The following ZNF366 variants were observed in gnomAD, a reference collection of about 807,000 sequenced individuals.
The protein encoded by ZNF366 is dendritic cell-specific transcript protein.
ZNF366 carries 20 observed loss-of-function variants against 47.2 expected under a neutral mutation model. The observed-to-expected ratio is 0.42, with a 90% CI of 0.30 to 0.62. ZNF366 has a LOEUF of 0.62. ZNF366 is among the 20% of genes least tolerant of loss of function. The probability of loss-of-function intolerance (pLI) is 0.16; values close to 1 mark genes in which losing one functional copy is unlikely to be tolerated. For missense variants in ZNF366, 987 were observed against 976.3 expected (o/e 1.01, Z -0.15); for synonymous variants, 421 against 395.1 (o/e 1.07, Z -0.78).
Position 72,456,439 on chromosome 5 carries a change from T to C in ZNF366, c.1489A>G (p.Ile497Val), listed in dbSNP as rs200176854. The C allele has an allele frequency of 4.3e-6, 7 of 1,612,510 alleles. No individual in the cohort carries two copies. In the South Asian group the frequency reaches 6.6e-5, roughly 15 times the overall value. The change falls in exon 3 of 5, where the codon ATC becomes GTC. Residue 497 changes from isoleucine to valine, a missense_variant. By Grantham distance (29) the Ile-to-Val change is conservative (BLOSUM62 3). Coordinates refer to ENST00000318442, the MANE Select transcript of ZNF366 (RefSeq NM_152625.3). ...VQKQTLKAHM[I>V]VHSDVKPFKC... Reference sequence around the variant, plus strand: ...AAAGGCTTCACGTCAGAGTGGACGATCATGTGTGCCTTGAGGGTCTGCTTC... The same window carrying C: ...AAAGGCTTCACGTCAGAGTGGACGACCATGTGTGCCTTGAGGGTCTGCTTC...
At chr5:72,497,834 TTGC>T (rs1327992997) in intron 1 of ZNF366, among the ~76,000 whole-genome samples, 15 of 152,204 alleles carry the variant, frequency 9.9e-5, no homozygotes, top group African/African-American at 2.9e-4. Context: ...TAGTTTTAAT[TTGC>T]TGCTTCTTAT....
intron 1 of ZNF366, among the ~76,000 whole-genome samples, chr5:72,498,776 C>T (rs755959169): frequency 1.4e-4 from 22 of 152,188 alleles, no homozygotes; most frequent in Non-Finnish European, 3.1e-4. Flanking sequence ...TATGTATACA[C>T]AAGTGTAAGG....
At chr5:72,446,713 C>A (rs1025461548) in intron 4 of ZNF366, among the ~76,000 whole-genome samples, 21 of 152,144 alleles carry the variant, frequency 1.4e-4, no homozygotes, top group African/African-American at 4.6e-4. Context: ...AGCCTGCTAC[C>A]AACATACTTC....
chr5:72,449,567 A>G (rs1743022754), intron 3 of ZNF366, among the ~76,000 whole-genome samples: 1 of 152,168 alleles, frequency 6.6e-6, no homozygotes, highest in Non-Finnish European at 1.5e-5. Context: ...GAGATTCTAC[A>G]TTAGGGATTT....
In ZNF366 at chr5:72,443,624, T is replaced by A; in HGVS notation, c.*132A>T. 2.0e-6 allele frequency: 2 copies of A among 998,596 alleles called. No homozygotes were observed. The highest frequency in any genetic ancestry group is 2.9e-6 in the Non-Finnish European group (2 of 696,758). 61.9% of individuals were successfully genotyped at this position (998,596 alleles called of 1,614,324 possible). A position where few individuals can be genotyped will look rare whatever the true frequency, so the allele number is the denominator to read the frequency against. ...GAAGGCTTTCCATTACCTACATCCC[T>A]GCTCATTTAGTCTAAGCCATTTGTA... On this transcript the variant is annotated 3_prime_UTR_variant, in exon 5 of 5. Transcript: ENST00000318442.
chr5:72,461,533 G>A, intron 1 of ZNF366, 23 bp from the exon 2 acceptor site: 1 of 1,518,956 alleles, frequency 6.6e-7, no homozygotes. Flanking sequence ...AGAAACTTGT[G>A]TGTTTTGGTT....
At chr5:72,455,535 C>T (rs868143726) in intron 3 of ZNF366, among the ~76,000 whole-genome samples, 9 of 152,172 alleles carry the variant, frequency 5.9e-5, no homozygotes, top group Middle Eastern at 3.2e-3. Flanking sequence ...GTACATCACT[C>T]GGATTAAACC....
chr5:72,453,703 C>T (rs1333181500), intron 3 of ZNF366, among the ~76,000 whole-genome samples: 1 of 152,164 alleles, frequency 6.6e-6, no homozygotes, highest in Non-Finnish European at 1.5e-5. Flanking sequence ...GGCAATGGTA[C>T]AAAGAGGGCA....
intron 1 of ZNF366, among the ~76,000 whole-genome samples, chr5:72,462,555 T>TTCTTTCTTTCTTTCTTTCTTTC: frequency 3.4e-5 from 1 of 29,324 alleles, no homozygotes; most frequent in African/African-American, 2.4e-4. Flanking sequence ...TTCTTTTTTT[T>TTCTTTCTTTCTTTCTTTCTTTC]TTTTTTTGGA....
At chr5:72,453,442 G>T (rs949769243) in intron 3 of ZNF366, among the ~76,000 whole-genome samples, 3 of 152,220 alleles carry the variant, frequency 2.0e-5, no homozygotes, top group East Asian at 1.9e-4. Context: ...CTCTCAGATG[G>T]CTGTGAACTG....
At chr5:72,491,147 C>G (rs1744000152) in intron 1 of ZNF366, among the ~76,000 whole-genome samples, 1 of 152,204 alleles carries the variant, frequency 6.6e-6, no homozygotes, top group Non-Finnish European at 1.5e-5. Flanking sequence ...CCTAGACATT[C>G]CTTGATAGTA....
chr5:72,440,065 A>G lies in ZNF366; in HGVS notation c.*3691T>C, dbSNP rs971451351. 6.6e-6 allele frequency: 1 copy of G among 152,228 alleles called. No individual in the cohort carries two copies. The highest frequency in any genetic ancestry group is 2.4e-5 in the African/African-American group (1 of 41,464). The allele number at this position is 152,228 out of a possible 1,614,324, so 9.4% of individuals were successfully genotyped here. On this transcript the variant is annotated 3_prime_UTR_variant, in exon 5 of 5. Coordinates refer to ENST00000318442, the MANE Select transcript of ZNF366 (RefSeq NM_152625.3). ...ATAGCAAGCCAGAGTTCTGTACAAA[A>G]TCAACATTTGGTGTAATGTTGTCCA...
Position 72,460,922 on chromosome 5 carries a change from G to C in ZNF366, c.575C>G (p.Ser192Trp), listed in dbSNP as rs200898273. ...PGLMFPFFVP[S>W]SSPFPFSRHT... ...CCGGCTGAAGGGGAAGGGCGAGGAC[G>C]AGGGCACGAAGAAGGGGAACATGAG... Residue 192 changes from serine to tryptophan, a missense_variant, in exon 2 of 5, where the codon TCG becomes TGG. Ser to Trp is a radical substitution (Grantham distance 177). Transcript: ENST00000318442. The C allele has an allele frequency of 6.2e-7, 1 of 1,611,970 alleles. No individual in the cohort carries two copies. The highest frequency in any genetic ancestry group is 1.7e-5 in the Admixed American group (1 of 59,952).
intron 3 of ZNF366, among the ~76,000 whole-genome samples, chr5:72,451,490 C>A (rs181031680): frequency 2.8e-4 from 42 of 152,318 alleles, no homozygotes; most frequent in African/African-American, 9.9e-4. Context: ...TGATAATAGT[C>A]ATTGTTTCCT....
intron 1 of ZNF366, among the ~76,000 whole-genome samples, chr5:72,492,582 A>G (rs539135663): frequency 1.3e-5 from 2 of 152,364 alleles, no homozygotes; most frequent in Non-Finnish European, 2.9e-5. Context: ...TCCTATCTTC[A>G]AAACCTCACA....
chr5:72,505,351 A>C (rs1744299272), intron 1 of ZNF366, among the ~76,000 whole-genome samples: 1 of 152,212 alleles, frequency 6.6e-6, no homozygotes, highest in South Asian at 2.1e-4. Context: ...GTATCCAAGA[A>C]ATATTTTCAC....
rs1170874003 is a variant in ZNF366, at chr5:72,440,047, G to A, written c.*3709C>T. 6.6e-6 allele frequency: 1 copy of A among 152,224 alleles called. No homozygotes were observed. The highest frequency in any genetic ancestry group is 1.5e-5 in the Non-Finnish European group (1 of 68,038). The allele number at this position is 152,224 out of a possible 1,614,324, so 9.4% of individuals were successfully genotyped here. ...TAGAGTTTTAGTTTTTAAATAGCAA[G>A]CCAGAGTTCTGTACAAAATCAACAT... On this transcript the variant is annotated 3_prime_UTR_variant, in exon 5 of 5. Coordinates refer to ENST00000318442, the MANE Select transcript of ZNF366 (RefSeq NM_152625.3).
At chr5:72,483,984 T>A (rs1202591755) in intron 1 of ZNF366, among the ~76,000 whole-genome samples, 1 of 152,152 alleles carries the variant, frequency 6.6e-6, no homozygotes, top group Non-Finnish European at 1.5e-5. Flanking sequence ...CAGAATAATA[T>A]CTGTCCTTAT....
In ZNF366 at chr5:72,448,456, C is replaced by T. The variant is rs1743002100; in HGVS notation, c.1525-1039G>A. Among the ~76,000 whole-genome samples, 4 of 152,176 alleles carry T rather than the reference C, an allele frequency of 2.6e-5. No homozygotes were observed. The South Asian group carries it at 8.3e-4, about 32-fold the overall frequency. ...ACTTCTCTGGGGGTGCTTTTGTTGTCCCCAAGCCTTACTAGAACAGGACAA... is the reference window on the plus strand; with the variant it reads ...ACTTCTCTGGGGGTGCTTTTGTTGTTCCCAAGCCTTACTAGAACAGGACAA... On this transcript the variant is annotated intron_variant, in intron 3 of 4. Transcript: ENST00000318442.
Sources: allele counts gnomAD v4.1 joint callset (sites outside exome capture counted in the v4.1 genomes callset), GRCh38; gene constraint gnomAD v4.1.1; transcripts MANE v1.5; gene names NCBI Gene and HGNC (gene_info 2026-07-23, HGNC 2026-07-21).